Variants in DCC observed in about 807,000 individuals in gnomAD.
DCC encodes the protein netrin receptor DCC.
In DCC, 58 loss-of-function variants were observed where a neutral mutation model predicts 172.5. The observed-to-expected ratio is 0.34, with a 90% CI of 0.27 to 0.42. The LOEUF (loss-of-function observed/expected upper bound fraction) is 0.42, where lower values mean the gene tolerates loss of function less well. Among genes scored for constraint, DCC ranks in the 10% least tolerant of loss-of-function variants. The pLI is 1.00. For synonymous variants in DCC, 709 were observed against 644.5 expected, an observed-to-expected ratio of 1.10 and a Z score of -1.52; for missense variants, 1,740 against 1,791.0, an observed-to-expected ratio of 0.97 and a Z score of 0.51.
chr18:52,830,652 A>G (rs2038597582), intron 2 of DCC, among the ~76,000 whole-genome samples: 1 of 152,156 alleles, frequency 6.6e-6, no homozygotes, highest in Non-Finnish European at 1.5e-5. Flanking sequence ...TATAGATATA[A>G]TTGTTGACTG....
chr18:52,961,151 A>G (rs374187927), intron 5 of DCC, among the ~76,000 whole-genome samples: 2,045 of 152,130 alleles, frequency 0.013, 61 homozygotes, highest in African/African-American at 0.047. Context: ...TGCGGTGGGG[A>G]GAGGGAGGAG....
chr18:52,671,680 C>G (rs1191680411), intron 1 of DCC, among the ~76,000 whole-genome samples: 1 of 151,870 alleles, frequency 6.6e-6, no homozygotes, highest in Non-Finnish European at 1.5e-5. Context: ...GCTGGGAACA[C>G]AGGTGTGTGT....
At chr18:53,219,262 G>T (rs563924393) in intron 12 of DCC, among the ~76,000 whole-genome samples, 1 of 152,238 alleles carries the variant, frequency 6.6e-6, no homozygotes, top group South Asian at 2.1e-4. Flanking sequence ...GCTGGATAGA[G>T]AATCTCTAAA....
intron 1 of DCC, among the ~76,000 whole-genome samples, chr18:52,652,525 T>G (rs2035155256): frequency 6.6e-6 from 1 of 152,118 alleles, no homozygotes; most frequent in African/African-American, 2.4e-5. Context: ...TGAGCATGAC[T>G]CTAATAACAT....
At chr18:52,663,275 G>C (rs2035398107) in intron 1 of DCC, among the ~76,000 whole-genome samples, 1 of 152,122 alleles carries the variant, frequency 6.6e-6, no homozygotes, top group Non-Finnish European at 1.5e-5. Context: ...CTATTAAAAT[G>C]GGAAAGAACC....
At chr18:53,254,664 A>T (rs2056481790) in intron 12 of DCC, among the ~76,000 whole-genome samples, 1 of 152,004 alleles carries the variant, frequency 6.6e-6, no homozygotes, top group Admixed American at 6.6e-5. Context: ...TCCTAGGGAA[A>T]GTTTATTAGC....
intron 5 of DCC, among the ~76,000 whole-genome samples, chr18:52,942,708 T>G (rs2040482890): frequency 6.6e-6 from 1 of 152,168 alleles, no homozygotes; most frequent in Non-Finnish European, 1.5e-5. Flanking sequence ...CCTCCATGAT[T>G]CAAATTATCT....
intron 12 of DCC, among the ~76,000 whole-genome samples, chr18:53,290,533 C>A (rs2144748171): frequency 6.6e-6 from 1 of 152,132 alleles, no homozygotes. Flanking sequence ...TTTGAGATGG[C>A]TGCTCTGAGA....
At chr18:52,616,674 A>G (rs540543450) in intron 1 of DCC, among the ~76,000 whole-genome samples, 6 of 152,298 alleles carry the variant, frequency 3.9e-5, no homozygotes, top group African/African-American at 1.2e-4. Context: ...GAAGGAGTTT[A>G]TAATCTAGTA....
chr18:53,211,315 G>A (rs971287940), intron 11 of DCC, among the ~76,000 whole-genome samples: 7 of 152,220 alleles, frequency 4.6e-5, no homozygotes, highest in Admixed American at 2.6e-4. Flanking sequence ...ACAACAGGTA[G>A]TAAGCAGCAG....
At chr18:53,412,338 T>G (rs1015851096) in intron 20 of DCC, among the ~76,000 whole-genome samples, 1 of 152,188 alleles carries the variant, frequency 6.6e-6, no homozygotes, top group Non-Finnish European at 1.5e-5. Flanking sequence ...TTAAAATTAC[T>G]CAGAAATATT....
intron 12 of DCC, among the ~76,000 whole-genome samples, chr18:53,252,910 A>G (rs139209729): frequency 9.2e-5 from 14 of 152,176 alleles, no homozygotes; most frequent in African/African-American, 3.1e-4. Context: ...CTTTAACAAA[A>G]TAAGTTTAGA....
At chr18:52,679,437 T>G (rs1478198211) in intron 1 of DCC, among the ~76,000 whole-genome samples, 2 of 152,080 alleles carry the variant, frequency 1.3e-5, no homozygotes, top group African/African-American at 4.8e-5. Flanking sequence ...CCCCGTTTCA[T>G]TTTATCCTAT....
chr18:53,358,738 T>C (rs184655152), intron 15 of DCC, among the ~76,000 whole-genome samples: 14 of 152,106 alleles, frequency 9.2e-5, no homozygotes, highest in African/African-American at 3.1e-4. Context: ...GCCAGGCTGG[T>C]CTCAAACTCC....
chr18:52,610,165 AAAAAAAAAAAAAAATATATATAT>A (rs2034228930), intron 1 of DCC, among the ~76,000 whole-genome samples: 3 of 22,916 alleles, frequency 1.3e-4, no homozygotes, highest in Non-Finnish European at 2.2e-4. Flanking sequence ...AAAAAAAAAA[AAAAAAAAAAAAAAATATATATAT>A]ATATATATAT....
At chr18:52,650,553 T>TTTTG (rs765527388) in intron 1 of DCC, among the ~76,000 whole-genome samples, 56 of 152,210 alleles carry the variant, frequency 3.7e-4, no homozygotes, top group Non-Finnish European at 5.9e-4. Flanking sequence ...TTTGTTTTGG[T>TTTTG]TTTGTTTGTT....
chr18:52,572,069 A>C (rs2144760344), intron 1 of DCC, among the ~76,000 whole-genome samples: 1 of 152,310 alleles, frequency 6.6e-6, no homozygotes, highest in South Asian at 2.1e-4. Flanking sequence ...GGAGGCCTTA[A>C]CATTTTTAGC....
At chr18:53,235,414 C>T (rs188722448) in intron 12 of DCC, among the ~76,000 whole-genome samples, 2 of 152,214 alleles carry the variant, frequency 1.3e-5, no homozygotes, top group African/African-American at 4.8e-5. Flanking sequence ...AGTAGAGTTA[C>T]AAGAAGAAAG....
chr18:53,203,260 C>T (rs2055572775), intron 9 of DCC, among the ~76,000 whole-genome samples: 1 of 148,134 alleles, frequency 6.8e-6, no homozygotes, highest in African/African-American at 2.5e-5. Context: ...TGTAATTATA[C>T]AGAAAGGAAT....
Sources: allele counts gnomAD v4.1 joint callset (sites outside exome capture counted in the v4.1 genomes callset), GRCh38; gene constraint gnomAD v4.1.1; transcripts MANE v1.5; gene names NCBI Gene and HGNC (gene_info 2026-07-23, HGNC 2026-07-21).